The following ZNF407 variants were observed in gnomAD, a reference collection of about 807,000 sequenced individuals.
The protein encoded by ZNF407 is zinc finger protein 407.
In ZNF407, 17 loss-of-function variants were observed where a neutral mutation model predicts 131.2. The observed-to-expected ratio is 0.13, with a 90% CI of 0.09 to 0.19. ZNF407 has a LOEUF of 0.19. Among genes scored for constraint, ZNF407 ranks in the 10% least tolerant of loss-of-function variants. The pLI, the probability that ZNF407 is intolerant of heterozygous loss-of-function variation, is 1.00. For synonymous variants in ZNF407, 1,156 were observed against 1,062.0 expected, an observed-to-expected ratio of 1.09 and a Z score of -1.72; for missense variants, 2,681 against 2,830.6, an observed-to-expected ratio of 0.95 and a Z score of 1.20.
chr18:74,754,876 A>G (rs1481216625), intron 3 of ZNF407, among the ~76,000 whole-genome samples: 3 of 152,202 alleles, frequency 2.0e-5, no homozygotes, highest in Non-Finnish European at 2.9e-5. Flanking sequence ...CGCTTGGTGC[A>G]GAGCTGAGTT....
chr18:74,804,741 CG>C (rs1970082850), intron 4 of ZNF407: 1 of 500,090 alleles, frequency 2.0e-6, no homozygotes, highest in Admixed American at 6.4e-5. Flanking sequence ...GAAGGTTAGC[CG>C]AGTTGTTTCC....
chr18:74,889,407 C>T lies in ZNF407; in HGVS notation c.5129-511C>T, dbSNP rs372144501. 3.1e-3 allele frequency among the ~76,000 whole-genome samples: 473 copies of T among 152,216 alleles called. 8 individuals are homozygous for T. The highest frequency in any genetic ancestry group is 0.011 in the African/African-American group (442 of 41,520). On this transcript the variant is annotated intron_variant, in intron 6 of 8. Coordinates refer to ENST00000299687, the MANE Select transcript of ZNF407 (RefSeq NM_017757.3). ...TATTTCTTTGGGTCCTCTTTTTACTCGGCTTAATACAGTATATTTTTTGTT... is the reference window on the plus strand; with the variant it reads ...TATTTCTTTGGGTCCTCTTTTTACTTGGCTTAATACAGTATATTTTTTGTT...
chr18:74,869,106 T>C (rs942432400), intron 4 of ZNF407, among the ~76,000 whole-genome samples: 2 of 152,216 alleles, frequency 1.3e-5, no homozygotes, highest in Non-Finnish European at 2.9e-5. Flanking sequence ...TAAGTGGGGA[T>C]TGAAATACAT....
intron 4 of ZNF407, among the ~76,000 whole-genome samples, chr18:74,824,921 C>T (rs1400545070): frequency 6.6e-6 from 1 of 151,690 alleles, no homozygotes; most frequent in African/African-American, 2.4e-5. Context: ...AAAAAAAGTT[C>T]AGGCCAGTAT....
At chr18:74,976,815 G>A (rs747349327) in intron 8 of ZNF407, among the ~76,000 whole-genome samples, 1 of 152,180 alleles carries the variant, frequency 6.6e-6, no homozygotes, top group African/African-American at 2.4e-5. Flanking sequence ...TCACATGTTC[G>A]TGTCATGTGG....
chr18:74,675,172 T>C (rs531898064), intron 3 of ZNF407, among the ~76,000 whole-genome samples: 18 of 152,354 alleles, frequency 1.2e-4, no homozygotes, highest in African/African-American at 3.8e-4. Flanking sequence ...GGGGCCTTTA[T>C]ACTTATGCTT....
intron 3 of ZNF407, among the ~76,000 whole-genome samples, chr18:74,772,356 C>A (rs1191161996): frequency 6.6e-6 from 1 of 152,030 alleles, no homozygotes; most frequent in Non-Finnish European, 1.5e-5. Flanking sequence ...AATCTAAATC[C>A]CATGTCAGAG....
intron 3 of ZNF407, among the ~76,000 whole-genome samples, chr18:74,674,030 T>G (rs1986257576): frequency 6.6e-6 from 1 of 152,260 alleles, no homozygotes; most frequent in Non-Finnish European, 1.5e-5. Flanking sequence ...CACATGGATT[T>G]AATGAAGAAC....
At chr18:74,712,119 G>T (rs566188543) in intron 3 of ZNF407, among the ~76,000 whole-genome samples, 1 of 152,264 alleles carries the variant, frequency 6.6e-6, no homozygotes. Flanking sequence ...ATACAGGAAG[G>T]CCTTGTGCTT....
At chr18:74,739,178 C>A (rs913531998) in intron 3 of ZNF407, among the ~76,000 whole-genome samples, 3 of 151,048 alleles carry the variant, frequency 2.0e-5, no homozygotes, top group Non-Finnish European at 3.0e-5. Context: ...AGAATTATTA[C>A]AAAATTTATA....
At position 74,932,722 on chromosome 18, in the gene ZNF407, A is replaced by G. The variant is rs1052540319; in HGVS notation, c.5428+12030A>G. Among the ~76,000 whole-genome samples the G allele has an allele frequency of 6.7e-4, 102 of 152,206 alleles. 1 individual carries two copies. The highest frequency in any genetic ancestry group is 3.3e-4 in the Admixed American group (5 of 15,280). ...AAGAAAATGTGTTCACTTTTTGTGT[A>G]TGATGTGATTCTGGCTACCACCTTA... is the stretch of plus-strand genomic sequence containing the variant. On this transcript the variant is annotated intron_variant, in intron 8 of 8. Coordinates refer to ENST00000299687, the MANE Select transcript of ZNF407 (RefSeq NM_017757.3).
intron 3 of ZNF407, among the ~76,000 whole-genome samples, chr18:74,695,814 C>CA (rs1244696871): frequency 6.6e-6 from 1 of 152,148 alleles, no homozygotes; most frequent in South Asian, 2.1e-4. Flanking sequence ...GTTTGTGAAA[C>CA]AGAGATACAG....
At chr18:75,058,098 GC>G (rs1404088141) in intron 8 of ZNF407, among the ~76,000 whole-genome samples, 1 of 152,150 alleles carries the variant, frequency 6.6e-6, no homozygotes, top group East Asian at 1.9e-4. Flanking sequence ...GCAGAACTGA[GC>G]CCCTAGCACA....
chr18:74,603,238 C>A (rs1599120026), intron 1 of ZNF407, among the ~76,000 whole-genome samples: 2 of 152,172 alleles, frequency 1.3e-5, no homozygotes, highest in African/African-American at 4.8e-5. Flanking sequence ...GATAAGGAAT[C>A]TTGCTTTAAT....
chr18:74,699,102 T>C (rs1967431000), intron 3 of ZNF407, among the ~76,000 whole-genome samples: 1 of 152,182 alleles, frequency 6.6e-6, no homozygotes, highest in Non-Finnish European at 1.5e-5. Context: ...TCTGATCATT[T>C]ATTAACCAAT....
chr18:74,726,969 C>CT lies in ZNF407; in HGVS notation c.4803-54453dup, dbSNP rs1968172995. Among the ~76,000 whole-genome samples, 4 of 152,116 alleles carry CT rather than the reference C, an allele frequency of 2.6e-5. No individual in the cohort carries two copies. The Middle Eastern group carries it at 0.01, about 388-fold the overall frequency. On this transcript the variant is annotated intron_variant, in intron 3 of 8. Transcript: ENST00000299687. ...AGTCAATCTGTGGACAAGTATAGGG[C>CT]TTTTTTGCATTTTTTCCATGTCTTA...
chr18:74,863,210 C>T lies in ZNF407; in HGVS notation c.4878-13987C>T, dbSNP rs866969533. Reference sequence around the variant, plus strand: ...TGCTGGGATTACAGGTGTGAGCCACCGCACCCGGCTCACTTGGGTTTTTTT... The same window carrying T: ...TGCTGGGATTACAGGTGTGAGCCACTGCACCCGGCTCACTTGGGTTTTTTT... On this transcript the variant is annotated intron_variant, in intron 4 of 8. Transcript: ENST00000299687. 4.0e-5 allele frequency among the ~76,000 whole-genome samples: 6 copies of T among 151,756 alleles called. No individual in the cohort carries two copies. In the East Asian group the frequency reaches 9.8e-4, roughly 25 times the overall value.
At chr18:74,682,427 T>A (rs1967006659) in intron 3 of ZNF407, among the ~76,000 whole-genome samples, 1 of 152,144 alleles carries the variant, frequency 6.6e-6, no homozygotes, top group Admixed American at 6.5e-5. Flanking sequence ...TTCAGCTTCG[T>A]AGTAGTGCCA....
chr18:74,911,427 A>G (rs763789121), intron 7 of ZNF407, among the ~76,000 whole-genome samples: 9 of 152,258 alleles, frequency 5.9e-5, no homozygotes, highest in Admixed American at 4.6e-4. Context: ...AGCAATTGAT[A>G]TATTTAACAT....
Sources: allele counts gnomAD v4.1 joint callset (sites outside exome capture counted in the v4.1 genomes callset), GRCh38; gene constraint gnomAD v4.1.1; transcripts MANE v1.5; gene names NCBI Gene and HGNC (gene_info 2026-07-23, HGNC 2026-07-21).